Variants in GRID1 observed in about 807,000 individuals in gnomAD.
GRID1 encodes glutamate ionotropic receptor delta type subunit 1.
A neutral mutation model predicts 98.0 loss-of-function variants in GRID1; 28 were observed. The ratio of observed to expected loss-of-function variants is 0.29; its 90% CI spans 0.21 to 0.39. The LOEUF (loss-of-function observed/expected upper bound fraction) is 0.39. Among genes scored for constraint, GRID1 ranks in the 10% least tolerant of loss-of-function variants. The probability of loss-of-function intolerance (pLI) is 1.00; values close to 1 mark genes in which losing one functional copy is unlikely to be tolerated. For missense variants in GRID1, 1,111 were observed against 1,340.5 expected, an observed-to-expected ratio of 0.83 and a Z score of 2.67; for synonymous variants, 553 against 538.5, an observed-to-expected ratio of 1.03 and a Z score of -0.37.
At chr10:85,625,342 C>T (rs1251137503) in intron 13 of GRID1, among the ~76,000 whole-genome samples, 1 of 152,246 alleles carries the variant, frequency 6.6e-6, no homozygotes, top group Non-Finnish European at 1.5e-5. Flanking sequence ...CAGACCTCTC[C>T]AGGACACTGG....
At chr10:85,761,076 G>C (rs950119923) in intron 8 of GRID1, among the ~76,000 whole-genome samples, 6 of 152,156 alleles carry the variant, frequency 3.9e-5, no homozygotes, top group Admixed American at 2.0e-4. Context: ...AAACAAAAAG[G>C]CTCTGAGCTC....
At chr10:86,052,073 T>C (rs1257584583) in intron 4 of GRID1, among the ~76,000 whole-genome samples, 2 of 151,814 alleles carry the variant, frequency 1.3e-5, no homozygotes, top group African/African-American at 4.8e-5. Flanking sequence ...AAGTAGGTTA[T>C]GGCACATCTA....
chr10:86,126,015 T>C (rs1564682726), intron 4 of GRID1, among the ~76,000 whole-genome samples: 1 of 152,172 alleles, frequency 6.6e-6, no homozygotes, highest in Admixed American at 6.5e-5. Flanking sequence ...TTTGACTGCA[T>C]GGGGGGTTGG....
chr10:85,875,091 G>C (rs2131797917), intron 5 of GRID1, among the ~76,000 whole-genome samples: 1 of 152,164 alleles, frequency 6.6e-6, no homozygotes, highest in African/African-American at 2.4e-5. Context: ...TGTTGGTCAG[G>C]CTGGTCTTGA....
chr10:86,358,325 T>G (rs553872969), intron 2 of GRID1, among the ~76,000 whole-genome samples: 1 of 152,178 alleles, frequency 6.6e-6, no homozygotes, highest in Non-Finnish European at 1.5e-5. Context: ...CAATGCATAT[T>G]GGGCACAGAC....
At chr10:86,321,142 A>G (rs544761700) in intron 2 of GRID1, among the ~76,000 whole-genome samples, 19 of 151,734 alleles carry the variant, frequency 1.3e-4, no homozygotes, top group Non-Finnish European at 2.8e-4. Flanking sequence ...TGTTGGGAAG[A>G]AAAAGGAAAC....
chr10:86,115,723 G>A (rs527883602), intron 4 of GRID1, among the ~76,000 whole-genome samples: 6 of 152,290 alleles, frequency 3.9e-5, no homozygotes, highest in Admixed American at 2.0e-4. Context: ...CAGAGCCAGC[G>A]ACCCCAGCAC....
At chr10:86,000,373 A>G (rs1842789721) in intron 4 of GRID1, among the ~76,000 whole-genome samples, 1 of 152,208 alleles carries the variant, frequency 6.6e-6, no homozygotes, top group African/African-American at 2.4e-5. Flanking sequence ...AATCCTCTCC[A>G]AATTGGTCTA....
At chr10:86,124,447 A>G (rs1253522610) in intron 4 of GRID1, among the ~76,000 whole-genome samples, 2 of 152,058 alleles carry the variant, frequency 1.3e-5, no homozygotes, top group African/African-American at 4.8e-5. Context: ...TCTGCAGCAG[A>G]TCTTGTTTTG....
chr10:85,800,185 TTAAG>T (rs1281621229), intron 8 of GRID1, among the ~76,000 whole-genome samples: 1 of 151,800 alleles, frequency 6.6e-6, no homozygotes, highest in Non-Finnish European at 1.5e-5. Context: ...TAAAACTCTA[TTAAG>T]TGAGTAATTT....
chr10:85,948,302 C>T (rs1267545909), intron 4 of GRID1, among the ~76,000 whole-genome samples: 1 of 152,112 alleles, frequency 6.6e-6, no homozygotes, highest in Non-Finnish European at 1.5e-5. Context: ...AACAGAGATA[C>T]TTGCCAAGGA....
chr10:85,787,659 C>T (rs78825877), intron 8 of GRID1, among the ~76,000 whole-genome samples: 5,019 of 152,284 alleles, frequency 0.033, 124 homozygotes, highest in Non-Finnish European at 0.047. Flanking sequence ...GGACCACCCA[C>T]TCGTGTGGAC....
At chr10:86,221,697 G>A (rs1846256679) in intron 2 of GRID1, among the ~76,000 whole-genome samples, 1 of 152,234 alleles carries the variant, frequency 6.6e-6, no homozygotes, top group African/African-American at 2.4e-5. Context: ...GTGAGAGGTT[G>A]GGTGACGGCT....
At chr10:85,838,702 G>T in intron 8 of GRID1, among the ~76,000 whole-genome samples, 1 of 152,108 alleles carries the variant, frequency 6.6e-6, no homozygotes, top group Admixed American at 6.6e-5. Context: ...ATACACTGAA[G>T]TACACAGACC....
At chr10:85,728,374 A>G (rs2132657066) in intron 9 of GRID1, among the ~76,000 whole-genome samples, 1 of 152,284 alleles carries the variant, frequency 6.6e-6, no homozygotes, top group East Asian at 1.9e-4. Context: ...ATCCATGCAG[A>G]GCTAGGACTG....
At chr10:85,660,308 G>A (rs1182510755) in intron 12 of GRID1, among the ~76,000 whole-genome samples, 1 of 152,160 alleles carries the variant, frequency 6.6e-6, no homozygotes, top group Non-Finnish European at 1.5e-5. Flanking sequence ...ACTTTTTAGG[G>A]TTCAGGCAAG....
chr10:86,033,985 C>A (rs1843221495), intron 4 of GRID1, among the ~76,000 whole-genome samples: 1 of 152,158 alleles, frequency 6.6e-6, no homozygotes, highest in African/African-American at 2.4e-5. Context: ...CACTTGGATT[C>A]ATTGAAAAAA....
At chr10:85,828,709 A>C (rs1842841712) in intron 8 of GRID1, among the ~76,000 whole-genome samples, 1 of 152,172 alleles carries the variant, frequency 6.6e-6, no homozygotes, top group Non-Finnish European at 1.5e-5. Flanking sequence ...AAACCTAGAA[A>C]AAAATGAATA....
chr10:85,808,312 A>G (rs890586319), intron 8 of GRID1, among the ~76,000 whole-genome samples: 1 of 152,192 alleles, frequency 6.6e-6, no homozygotes, highest in African/African-American at 2.4e-5. Context: ...TAGAAATAAG[A>G]GTTTGTGGTA....
Sources: allele counts gnomAD v4.1 joint callset (sites outside exome capture counted in the v4.1 genomes callset), GRCh38; gene constraint gnomAD v4.1.1; transcripts MANE v1.5; gene names NCBI Gene and HGNC (gene_info 2026-07-23, HGNC 2026-07-21).